Variants in GSDME observed in about 807,000 individuals in gnomAD.
The protein encoded by GSDME is gasdermin-E.
In GSDME, 44 loss-of-function variants were observed where a neutral mutation model predicts 47.5. That is an observed-to-expected ratio of 0.93 (90% CI 0.73 to 1.19). The LOEUF (loss-of-function observed/expected upper bound fraction) is 1.19. Among genes scored for constraint, GSDME ranks in the 50% most tolerant of loss-of-function variants. GSDME has a pLI of 0.00. For missense variants in GSDME, 663 were observed against 604.2 expected, an observed-to-expected ratio of 1.10 and a Z score of -1.02; for synonymous variants, 258 against 252.8, an observed-to-expected ratio of 1.02 and a Z score of -0.20.
chr7:24,769,872 T>C, the GSDME span, among the ~76,000 whole-genome samples: 1 of 152,224 alleles, frequency 6.6e-6, no homozygotes, highest in African/African-American at 2.4e-5. Context: ...CTATAATTAA[T>C]ATGGGAAAAG....
At chr7:24,769,560 G>A in the GSDME span, among the ~76,000 whole-genome samples, 1,121 of 152,194 alleles carry the variant, frequency 7.4e-3, 50 homozygotes, top group East Asian at 0.13. Flanking sequence ...ATAATGGGGG[G>A]AGGGAACTAA....
Position 24,705,739 on chromosome 7 carries a change from C to T in GSDME, c.1183+445G>A, listed in dbSNP as rs528589335. ...GGATGGTTGAATGCTCTCCACAGCC[C>T]CCTTGCCCCAGACAGGAGCACGCAG... On this transcript the variant is annotated intron_variant, in intron 8 of 9. Transcript: ENST00000645220. This position sits in a 1 kb window ranked among gnomAD's most constrained non-coding sequence, Gnocchi z 4.1. 5.4e-5 allele frequency: 17 copies of T among 315,688 alleles called. No individual in the cohort carries two copies. The highest frequency in any genetic ancestry group is 1.8e-4 in the Admixed American group (4 of 22,486). The allele number at this position is 315,688 out of a possible 1,614,324, so 19.6% of individuals were successfully genotyped here.
At chr7:24,703,668 G>C (rs1224950783) in intron 8 of GSDME, 1 of 153,082 alleles carries the variant, frequency 6.5e-6, no homozygotes, top group Non-Finnish European at 1.5e-5. Flanking sequence ...TAAAGACAGT[G>C]TGTTGTTGAG....
chr7:24,707,071 C>T (rs991511415), intron 7 of GSDME, among the ~76,000 whole-genome samples: 1 of 152,340 alleles, frequency 6.6e-6, no homozygotes, highest in East Asian at 1.9e-4. Flanking sequence ...TGGAGCTGAG[C>T]TCCCCACCCT....
chr7:24,775,384 T>A, the GSDME span, among the ~76,000 whole-genome samples: 1 of 152,248 alleles, frequency 6.6e-6, no homozygotes, highest in African/African-American at 2.4e-5. Context: ...GATATCCGTT[T>A]AATTAGGAAG....
chr7:24,702,571 C>T, intron 9 of GSDME, 189 bp downstream of exon 9: 1 of 574,070 alleles, frequency 1.7e-6, no homozygotes, highest in Non-Finnish European at 3.4e-6. Context: ...AATCATTTTC[C>T]TCTGGGTCTC....
the GSDME span, among the ~76,000 whole-genome samples, chr7:24,792,372 T>G: frequency 6.6e-6 from 1 of 152,172 alleles, no homozygotes; most frequent in Non-Finnish European, 1.5e-5. Flanking sequence ...TGGTTAACAC[T>G]GGGGTCTTTG....
In GSDME at chr7:24,754,557, C is replaced by T. The variant is rs972713954; in HGVS notation, c.-20+2839G>A. 6.6e-6 allele frequency among the ~76,000 whole-genome samples: 1 copy of T among 150,754 alleles called. No individual in the cohort carries two copies. The highest frequency in any genetic ancestry group is 1.5e-5 in the Non-Finnish European group (1 of 67,808). ...CTTCCCAGCTGAAAGCAGATGAGAA[C>T]TAAAAAGGCCAAAGCAAATGCAGTA... On this transcript the variant is annotated intron_variant, in intron 1 of 9. Transcript: ENST00000645220. The surrounding 1 kb of genome is among the most constrained non-coding windows in gnomAD (Gnocchi z 5.0).
chr7:24,772,806 T>A, the GSDME span, among the ~76,000 whole-genome samples: 1 of 152,210 alleles, frequency 6.6e-6, no homozygotes, highest in Non-Finnish European at 1.5e-5. This position sits in a 1 kb window ranked among gnomAD's most constrained non-coding sequence, Gnocchi z 4.5. Flanking sequence ...AGAAAGGTAT[T>A]TCTTTCTGAC....
chr7:24,794,829 C>A, the GSDME span, among the ~76,000 whole-genome samples: 1 of 152,160 alleles, frequency 6.6e-6, no homozygotes, highest in Non-Finnish European at 1.5e-5. Flanking sequence ...GGCAAAAAGT[C>A]ACTCACTCCC....
chr7:24,742,616 A>T lies in GSDME; in HGVS notation c.404+1946T>A, dbSNP rs984860194. ...CCTGAATCATGGTGTTTAAAAACCT[A>T]TATCGAGAAATGTGATTATAGGACA... On this transcript the variant is annotated intron_variant, in intron 3 of 9. Coordinates refer to ENST00000645220, the MANE Select transcript of GSDME (RefSeq NM_001127453.2). This position sits in a 1 kb window ranked among gnomAD's most constrained non-coding sequence, Gnocchi z 4.4. Among the ~76,000 whole-genome samples the T allele has an allele frequency of 6.6e-6, 1 of 152,200 alleles. No homozygotes were observed. Among genetic ancestry groups the T allele is most frequent in the African/African-American group, 2.4e-5 (1 of 41,444 alleles).
chr7:24,740,812 G>C (rs944311224), intron 3 of GSDME, among the ~76,000 whole-genome samples: 1 of 152,062 alleles, frequency 6.6e-6, no homozygotes, highest in Non-Finnish European at 1.5e-5. Flanking sequence ...TCTCATTACT[G>C]TATGTGCATA....
intron 5 of GSDME, chr7:24,715,566 T>C (rs1315970872): frequency 8.7e-6 from 4 of 460,184 alleles, no homozygotes; most frequent in East Asian, 7.2e-5. Context: ...AAGGCAGACA[T>C]AGGGGGGCTA....
At position 24,756,255 on chromosome 7, in the gene GSDME, C is replaced by G. The variant is rs1374238936; in HGVS notation, c.-20+1141G>C. 1.3e-5 allele frequency among the ~76,000 whole-genome samples: 2 copies of G among 152,134 alleles called. No homozygotes were observed. The highest frequency in any genetic ancestry group is 2.9e-5 in the Non-Finnish European group (2 of 68,020). ...TGGTGGCAGGCACCTGCGGTCTCAG[C>G]TACGGGTGTATGGGAGGATCCCTTG... On this transcript the variant is annotated intron_variant, in intron 1 of 9. Coordinates refer to ENST00000645220, the MANE Select transcript of GSDME (RefSeq NM_001127453.2). This position sits in a 1 kb window ranked among gnomAD's most constrained non-coding sequence, Gnocchi z 4.2.
chr7:24,744,491 C>T lies in GSDME; in HGVS notation c.404+71G>A, dbSNP rs1337022151. 6.6e-7 allele frequency: 1 copy of T among 1,520,484 alleles called. No individual in the cohort carries two copies. The highest frequency in any genetic ancestry group is 9.1e-7 in the Non-Finnish European group (1 of 1,097,402). 94.2% of individuals were successfully genotyped at this position (1,520,484 alleles called of 1,614,324 possible). On this transcript the variant is annotated intron_variant, in intron 3 of 9. Coordinates refer to ENST00000645220, the MANE Select transcript of GSDME (RefSeq NM_001127453.2). This position sits in a 1 kb window ranked among gnomAD's most constrained non-coding sequence, Gnocchi z 4.5. ...GAGATCAAATCTGTCGCCCTTTTAA[C>T]AAAGGTCCAACTGAATGACCTTTAA... is the stretch of plus-strand genomic sequence containing the variant.
chr7:24,787,555 A>C, the GSDME span, among the ~76,000 whole-genome samples: 1 of 152,142 alleles, frequency 6.6e-6, no homozygotes, highest in Non-Finnish European at 1.5e-5. This position sits in a 1 kb window ranked among gnomAD's most constrained non-coding sequence, Gnocchi z 5.0. Context: ...ATCACTGCTT[A>C]TGTCGATATA....
chr7:24,780,412 T>G, the GSDME span, among the ~76,000 whole-genome samples: 1 of 152,198 alleles, frequency 6.6e-6, no homozygotes, highest in African/African-American at 2.4e-5. The surrounding 1 kb of genome is among the most constrained non-coding windows in gnomAD (Gnocchi z 4.1). Flanking sequence ...AAAACCAAAT[T>G]AATATTCAGG....
At chr7:24,772,903 T>C in the GSDME span, among the ~76,000 whole-genome samples, 4 of 152,306 alleles carry the variant, frequency 2.6e-5, no homozygotes, top group East Asian at 7.7e-4. This position sits in a 1 kb window ranked among gnomAD's most constrained non-coding sequence, Gnocchi z 4.5. Context: ...TCTTAATAGA[T>C]AAAGAATCTA....
the GSDME span, among the ~76,000 whole-genome samples, chr7:24,766,838 C>T: frequency 1.3e-5 from 2 of 152,296 alleles, no homozygotes; most frequent in South Asian, 4.1e-4. This position sits in a 1 kb window ranked among gnomAD's most constrained non-coding sequence, Gnocchi z 4.2. Context: ...ATTGCTGAAT[C>T]AAATGGTATT....
Sources: allele counts gnomAD v4.1 joint callset (sites outside exome capture counted in the v4.1 genomes callset), GRCh38; gene constraint gnomAD v4.1.1; non-coding constraint Gnocchi (gnomAD v3.1); transcripts MANE v1.5; gene names NCBI Gene and HGNC (gene_info 2026-07-23, HGNC 2026-07-21).